The following RFX7 variants were observed in gnomAD, a reference collection of about 807,000 sequenced individuals.
The protein encoded by RFX7 is DNA-binding protein RFX7.
RFX7 carries 26 observed loss-of-function variants against 111.8 expected under a neutral mutation model. That is an observed-to-expected ratio of 0.23 (90% confidence interval 0.17 to 0.32). The LOEUF (loss-of-function observed/expected upper bound fraction) is 0.32. Among genes scored for constraint, RFX7 ranks in the 10% least tolerant of loss-of-function variants. The pLI is 1.00. For missense variants in RFX7, 1,573 were observed against 1,772.9 expected, an observed-to-expected ratio of 0.89 and a Z score of 2.02; for synonymous variants, 624 against 624.4, an observed-to-expected ratio of 1.00 and a Z score of 0.01.
intron 5 of RFX7, among the ~76,000 whole-genome samples, chr15:56,122,368 T>C (rs2042089898): frequency 6.6e-6 from 1 of 152,198 alleles, no homozygotes; most frequent in African/African-American, 2.4e-5. Flanking sequence ...CCTTATTTTC[T>C]CCCAAACAAA....
chr15:56,203,330 T>C (rs1186579865), intron 2 of RFX7, among the ~76,000 whole-genome samples: 1 of 152,016 alleles, frequency 6.6e-6, no homozygotes, highest in Non-Finnish European at 1.5e-5. Flanking sequence ...ACAGAGAAAG[T>C]GGCTAATGTT....
At chr15:56,153,844 G>A (rs1405640773) in intron 3 of RFX7, among the ~76,000 whole-genome samples, 1 of 152,198 alleles carries the variant, frequency 6.6e-6, no homozygotes, top group Non-Finnish European at 1.5e-5. Context: ...AAGAGAGGAA[G>A]TCAAATTGTC....
At chr15:56,224,631 A>T (rs1258870671) in intron 2 of RFX7, among the ~76,000 whole-genome samples, 8 of 151,868 alleles carry the variant, frequency 5.3e-5, no homozygotes, top group Admixed American at 6.6e-5. Flanking sequence ...ACATTTTCCC[A>T]TTTTCCTCTG....
Position 56,102,168 on chromosome 15 carries a change from C to T in RFX7, c.603+1G>A. On this transcript the variant is annotated splice_donor_variant, in intron 7 of 9. Transcript: ENST00000559447. LOFTEE classifies it high-confidence loss of function. Reference sequence around the variant, plus strand: ...TTAAAAAGAAAAGGCTGAATTCTTACCCCATCTCCAGTTTTGTGAAAGTCA... The same window carrying T: ...TTAAAAAGAAAAGGCTGAATTCTTATCCCATCTCCAGTTTTGTGAAAGTCA... The T allele has an allele frequency of 6.2e-7, 1 of 1,604,600 alleles. No homozygotes were observed. Among genetic ancestry groups the T allele is most frequent in the South Asian group, 1.1e-5 (1 of 89,928 alleles).
At chr15:56,109,946 CCCA>C (rs2041891117) in intron 5 of RFX7, among the ~76,000 whole-genome samples, 1 of 150,376 alleles carries the variant, frequency 6.6e-6, no homozygotes, top group African/African-American at 2.4e-5. Context: ...GGCCAGCCGC[CCCA>C]TCCGGGAGGG....
chr15:56,207,363 T>C (rs2043264822), intron 2 of RFX7, among the ~76,000 whole-genome samples: 1 of 152,206 alleles, frequency 6.6e-6, no homozygotes, highest in African/African-American at 2.4e-5. Flanking sequence ...TGTTGATGGC[T>C]ACAATCAATG....
At chr15:56,115,972 T>TA (rs2042004510) in intron 5 of RFX7, among the ~76,000 whole-genome samples, 1 of 151,544 alleles carries the variant, frequency 6.6e-6, no homozygotes, top group Non-Finnish European at 1.5e-5. Context: ...TAACTGCATA[T>TA]AAAATGTCCA....
intron 2 of RFX7, among the ~76,000 whole-genome samples, chr15:56,202,619 C>T (rs1310383788): frequency 3.3e-5 from 5 of 152,094 alleles, no homozygotes; most frequent in African/African-American, 1.2e-4. Context: ...ACTTCGACAA[C>T]ACAGCGAGAC....
intron 3 of RFX7, among the ~76,000 whole-genome samples, chr15:56,161,109 A>C (rs1382884892): frequency 6.6e-6 from 1 of 152,108 alleles, no homozygotes; most frequent in Non-Finnish European, 1.5e-5. Context: ...ATCTGAGTCA[A>C]TTTGAAAGAC....
chr15:56,106,083 TG>T (rs1428631986), intron 5 of RFX7, among the ~76,000 whole-genome samples: 1 of 152,204 alleles, frequency 6.6e-6, no homozygotes. Context: ...GAGTGAGAGA[TG>T]ACTACTTTCA....
rs574813416 is a variant in RFX7, at chr15:56,087,995, G to A, written c.*5350C>T. 1.8e-5 allele frequency: 6 copies of A among 334,426 alleles called. No homozygotes were observed. Among genetic ancestry groups the A allele is most frequent in the South Asian group, 1.4e-4 (6 of 41,908 alleles). 20.7% of individuals were successfully genotyped at this position (334,426 alleles called of 1,614,324 possible). On this transcript the variant is annotated 3_prime_UTR_variant, in exon 10 of 10. Transcript: ENST00000559447. ...TCCTAATACATCAGGGTATTTCTAT[G>A]GAGAGAAGGGAGGGAAAAGGATTCA...
At chr15:56,236,955 C>A (rs2043630037) in intron 2 of RFX7, among the ~76,000 whole-genome samples, 1 of 152,186 alleles carries the variant, frequency 6.6e-6, no homozygotes, top group Non-Finnish European at 1.5e-5. Flanking sequence ...TCTCACATAA[C>A]AGAACCCTTG....
intron 5 of RFX7, among the ~76,000 whole-genome samples, chr15:56,133,800 A>C (rs772060408): frequency 2.0e-5 from 3 of 152,108 alleles, no homozygotes; most frequent in Non-Finnish European, 4.4e-5. Flanking sequence ...TTAAACCCAA[A>C]TGGCAAATTA....
chr15:56,169,700 CTTTTT>C (rs35597885), intron 3 of RFX7, among the ~76,000 whole-genome samples: 3 of 96,870 alleles, frequency 3.1e-5, no homozygotes, highest in African/African-American at 8.0e-5. Flanking sequence ...CTAGTCAGTT[CTTTTT>C]TTTTTTTTTT....
intron 2 of RFX7, among the ~76,000 whole-genome samples, chr15:56,229,861 A>C (rs894272493): frequency 6.6e-6 from 1 of 152,190 alleles, no homozygotes; most frequent in South Asian, 2.1e-4. Context: ...GAAGGAAAGA[A>C]AGCTCTACAT....
intron 2 of RFX7, among the ~76,000 whole-genome samples, chr15:56,183,296 G>A (rs2042996632): frequency 6.6e-6 from 1 of 151,834 alleles, no homozygotes; most frequent in East Asian, 1.9e-4. Context: ...TAACATTTTT[G>A]ATCTAGTCAA....
At chr15:56,220,184 CAA>C (rs1230848043) in intron 2 of RFX7, among the ~76,000 whole-genome samples, 2 of 152,122 alleles carry the variant, frequency 1.3e-5, no homozygotes, top group African/African-American at 4.8e-5. Flanking sequence ...CTTCTTTTAA[CAA>C]GCATCTGTTC....
chr15:56,210,517 A>G (rs1158921586), intron 2 of RFX7, among the ~76,000 whole-genome samples: 1 of 152,108 alleles, frequency 6.6e-6, no homozygotes, highest in Non-Finnish European at 1.5e-5. Flanking sequence ...ATTCTTCTCA[A>G]GCTCACATGG....
At chr15:56,195,286 C>A (rs1289751727) in intron 2 of RFX7, among the ~76,000 whole-genome samples, 1 of 152,002 alleles carries the variant, frequency 6.6e-6, no homozygotes, top group Non-Finnish European at 1.5e-5. Context: ...ATGCATATTC[C>A]TTTTGGATGA....
Sources: gnomAD v4.1 joint callset for allele counts (sites outside exome capture counted in the v4.1 genomes callset) on GRCh38, gnomAD v4.1.1 for gene constraint, MANE v1.5 for transcripts, NCBI Gene and HGNC (gene_info 2026-07-23, HGNC 2026-07-21) for gene names.